CXADR: variants seen among roughly 807,000 people sequenced by gnomAD.
CXADR encodes coxsackievirus and adenovirus receptor.
CXADR carries 20 observed loss-of-function variants against 40.3 expected under a neutral mutation model. The observed-to-expected ratio is 0.50, with a 90% CI of 0.35 to 0.72. CXADR has a LOEUF of 0.72. Among genes scored for constraint, CXADR ranks in the 30% least tolerant of loss-of-function variants. The pLI is 0.01. For missense variants in CXADR, 332 were observed against 449.1 expected, an observed-to-expected ratio of 0.74 and a Z score of 2.36; for synonymous variants, 150 against 161.3, an observed-to-expected ratio of 0.93 and a Z score of 0.53.
chr21:17,587,105 A>G (rs1043140440), intron 7 of CXADR, among the ~76,000 whole-genome samples: 4 of 152,172 alleles, frequency 2.6e-5, no homozygotes, highest in African/African-American at 9.7e-5. Context: ...CCCATGGTGT[A>G]TATGTGCCAC....
At chr21:17,541,423 G>C (rs1288225612) in intron 1 of CXADR, among the ~76,000 whole-genome samples, 1 of 152,090 alleles carries the variant, frequency 6.6e-6, no homozygotes, top group African/African-American at 2.4e-5. Context: ...CGGACGTGGT[G>C]GTGGGCACCT....
intron 7 of CXADR, among the ~76,000 whole-genome samples, chr21:17,579,398 C>G (rs570052902): frequency 6.6e-6 from 1 of 152,100 alleles, no homozygotes; most frequent in Admixed American, 6.5e-5. Context: ...GATTCTCCTG[C>G]CTCAGCCTCC....
At chr21:17,535,960 A>G (rs2060749652) in intron 1 of CXADR, among the ~76,000 whole-genome samples, 1 of 152,142 alleles carries the variant, frequency 6.6e-6, no homozygotes, top group African/African-American at 2.4e-5. Context: ...GTGAGCCAAG[A>G]TTGTGTCACT....
the CXADR span, chr21:17,604,732 T>C: frequency 1.0e-5 from 12 of 1,174,818 alleles, no homozygotes; most frequent in South Asian, 2.1e-4. Flanking sequence ...TTCATAAAAT[T>C]TACATCTGAG....
the CXADR span, among the ~76,000 whole-genome samples, chr21:17,634,940 C>T: frequency 1.3e-5 from 2 of 152,178 alleles, no homozygotes; most frequent in East Asian, 3.9e-4. Context: ...CTTTACTGAT[C>T]CTTGATGGTA....
the CXADR span, among the ~76,000 whole-genome samples, chr21:17,632,495 C>T: frequency 6.6e-6 from 1 of 152,172 alleles, no homozygotes; most frequent in African/African-American, 2.4e-5. Flanking sequence ...TTAGAACAGG[C>T]TGGTCAAGGT....
In CXADR at chr21:17,532,770, G is replaced by A. The variant is rs375505234; in HGVS notation, c.44-14257G>A. Among the ~76,000 whole-genome samples the A allele has an allele frequency of 5.9e-5, 9 of 152,342 alleles. No homozygotes were observed. In the East Asian group the frequency reaches 9.6e-4, roughly 16 times the overall value. On this transcript the variant is annotated intron_variant, in intron 1 of 6. Transcript: ENST00000284878. ...TTTATTGAAGAGTGAACACCAGGAT[G>A]TGCTGCAGCTGTTCTAAGAGGTTTA...
chr21:17,519,916 G>A (rs748746781), intron 1 of CXADR, among the ~76,000 whole-genome samples: 6 of 151,864 alleles, frequency 4.0e-5, no homozygotes, highest in Non-Finnish European at 8.8e-5. Flanking sequence ...CTGAGATCGC[G>A]CCACTGCACT....
intron 6 of CXADR, among the ~76,000 whole-genome samples, chr21:17,564,134 T>G (rs1325501462): frequency 2.0e-5 from 3 of 151,546 alleles, no homozygotes; most frequent in Non-Finnish European, 4.4e-5. Context: ...ATATACATAG[T>G]TATTCTTCGG....
downstream of CXADR, among the ~76,000 whole-genome samples, chr21:17,595,498 C>T (rs2061493215): frequency 6.6e-6 from 1 of 151,858 alleles, no homozygotes; most frequent in South Asian, 2.1e-4. Context: ...CACATCTATA[C>T]ACACTTTAAA....
At chr21:17,560,352 G>A (rs1401596728) in intron 4 of CXADR, among the ~76,000 whole-genome samples, 11 of 152,112 alleles carry the variant, frequency 7.2e-5, no homozygotes. Flanking sequence ...AATAGGTTTT[G>A]TATGTTTTCC....
intron 1 of CXADR, among the ~76,000 whole-genome samples, chr21:17,524,384 A>C (rs2060570620): frequency 6.6e-6 from 1 of 151,420 alleles, no homozygotes; most frequent in Non-Finnish European, 1.5e-5. Context: ...CAACATAGTG[A>C]AACCCTGTCT....
chr21:17,546,931 C>G (rs984493139), intron 1 of CXADR, 96 bp from the exon 2 acceptor site: 1 of 1,446,068 alleles, frequency 6.9e-7, no homozygotes, highest in African/African-American at 1.4e-5. Context: ...TCCTGTATCC[C>G]TCGCATCAAT....
chr21:17,617,215 G>C, the CXADR span, among the ~76,000 whole-genome samples: 5 of 152,248 alleles, frequency 3.3e-5, no homozygotes, highest in East Asian at 7.7e-4. Flanking sequence ...ACACTCAAGT[G>C]GGCCAGACAC....
chr21:17,530,114 A>ATTTTTTTTTTTTTTTTTTTTT (rs56341807), intron 1 of CXADR, among the ~76,000 whole-genome samples: 2 of 94,978 alleles, frequency 2.1e-5, no homozygotes, highest in African/African-American at 4.0e-5. Context: ...ATGCCAGGCT[A>ATTTTTTTTTTTTTTTTTTTTT]TTTTTTTTTT....
chr21:17,635,719 A>C, the CXADR span, among the ~76,000 whole-genome samples: 1 of 152,216 alleles, frequency 6.6e-6, no homozygotes, highest in African/African-American at 2.4e-5. Flanking sequence ...ACACACACAC[A>C]AAATGTCCTC....
At chr21:17,582,770 T>G (rs763831475) in intron 7 of CXADR, among the ~76,000 whole-genome samples, 10 of 152,198 alleles carry the variant, frequency 6.6e-5, no homozygotes, top group Non-Finnish European at 1.5e-4. Context: ...AAGAGCAGTT[T>G]TATGGAATCA....
At chr21:17,596,250 T>C (rs1043001086), downstream of CXADR, among the ~76,000 whole-genome samples, 8 of 152,192 alleles carry the variant, frequency 5.3e-5, 1 homozygote, top group South Asian at 1.7e-3. Flanking sequence ...GCCCATTTTC[T>C]TAATGGTTTC....
the CXADR span, among the ~76,000 whole-genome samples, chr21:17,619,819 C>T: frequency 8.0e-6 from 1 of 124,420 alleles, no homozygotes; most frequent in African/African-American, 3.0e-5. Flanking sequence ...TACTGCTTCG[C>T]CTTGCACTTT....
Sources: gnomAD v4.1 joint callset for allele counts (sites outside exome capture counted in the v4.1 genomes callset) on GRCh38, gnomAD v4.1.1 for gene constraint, MANE v1.5 for transcripts, NCBI Gene and HGNC (gene_info 2026-07-23, HGNC 2026-07-21) for gene names.